Variants in BABAM2 observed in about 807,000 individuals in gnomAD.
BABAM2 encodes BRISC and BRCA1-A complex member 2.
Under a neutral mutation model 54.7 loss-of-function variants are expected in BABAM2, and 31 were observed. The observed-to-expected ratio is 0.57, with a 90% CI of 0.43 to 0.77. BABAM2 has a LOEUF of 0.77. Among genes scored for constraint, BABAM2 ranks in the 30% least tolerant of loss-of-function variants. BABAM2 has a pLI of 0.00. For synonymous variants in BABAM2, 167 were observed against 162.9 expected (o/e 1.03, Z -0.19); for missense variants, 364 against 455.8 (o/e 0.80, Z 1.83).
At chr2:27,986,746 G>A (rs1672424744) in intron 3 of BABAM2, among the ~76,000 whole-genome samples, 1 of 152,134 alleles carries the variant, frequency 6.6e-6, no homozygotes, top group Non-Finnish European at 1.5e-5. Flanking sequence ...TACTGTTTGA[G>A]CAGTAAAAAT....
chr2:28,258,563 C>T (rs774626599), intron 10 of BABAM2, among the ~76,000 whole-genome samples: 5 of 149,586 alleles, frequency 3.3e-5, no homozygotes, highest in Admixed American at 6.7e-5. Context: ...ATCTGCCATT[C>T]GGGTAAGTTA....
intron 3 of BABAM2, among the ~76,000 whole-genome samples, chr2:27,955,137 A>G (rs1342086308): frequency 6.6e-6 from 1 of 152,236 alleles, no homozygotes; most frequent in African/African-American, 2.4e-5. Context: ...TTGGCTGTCA[A>G]AGGTCCAGGA....
At chr2:28,315,828 T>G (rs2148294164) in intron 11 of BABAM2, among the ~76,000 whole-genome samples, 1 of 152,230 alleles carries the variant, frequency 6.6e-6, no homozygotes, top group East Asian at 1.9e-4. Context: ...CATATTGGTA[T>G]AATGATCTGC....
At chr2:28,190,123 A>T (rs1676742815) in intron 7 of BABAM2, among the ~76,000 whole-genome samples, 1 of 152,230 alleles carries the variant, frequency 6.6e-6, no homozygotes, top group Admixed American at 6.5e-5. Flanking sequence ...CTTACCCCAT[A>T]GCATGTACAG....
At chr2:28,009,640 T>G (rs1674247691) in intron 4 of BABAM2, among the ~76,000 whole-genome samples, 1 of 152,116 alleles carries the variant, frequency 6.6e-6, no homozygotes, top group African/African-American at 2.4e-5. Flanking sequence ...AAGTTTACTT[T>G]GAGAGGCACC....
At chr2:28,122,042 G>A (rs1237561757) in intron 6 of BABAM2, among the ~76,000 whole-genome samples, 3 of 152,026 alleles carry the variant, frequency 2.0e-5, no homozygotes, top group Non-Finnish European at 4.4e-5. Flanking sequence ...ATGAAACCCC[G>A]TCCCTACTAA....
chr2:28,074,571 G>A (rs1336079885), intron 6 of BABAM2, among the ~76,000 whole-genome samples: 1 of 152,138 alleles, frequency 6.6e-6, no homozygotes, highest in African/African-American at 2.4e-5. Flanking sequence ...GAATAAAACA[G>A]GGTTTTTACT....
intron 11 of BABAM2, among the ~76,000 whole-genome samples, chr2:28,318,343 C>G (rs574132474): frequency 6.6e-6 from 1 of 152,330 alleles, no homozygotes; most frequent in African/African-American, 2.4e-5. Flanking sequence ...CAGCCATACC[C>G]TTTGATTTAC....
chr2:27,953,595 A>G (rs891443835), intron 3 of BABAM2, among the ~76,000 whole-genome samples: 12 of 151,122 alleles, frequency 7.9e-5, no homozygotes, highest in Non-Finnish European at 1.8e-4. Context: ...CTGGGCCCAC[A>G]CTTCTCTTTT....
chr2:27,941,779 A>G (rs1270450757), intron 3 of BABAM2, among the ~76,000 whole-genome samples: 1 of 152,168 alleles, frequency 6.6e-6, no homozygotes, highest in African/African-American at 2.4e-5. Flanking sequence ...ATTACTGTTC[A>G]TTTTTAAGGA....
chr2:28,307,542 T>C (rs1247597194), intron 11 of BABAM2: 1 of 152,090 alleles, frequency 6.6e-6, no homozygotes, highest in East Asian at 1.9e-4. Flanking sequence ...ACACTAAAAA[T>C]ACACCGTTAA....
At chr2:28,143,597 A>G (rs975715950) in intron 7 of BABAM2, among the ~76,000 whole-genome samples, 4 of 152,196 alleles carry the variant, frequency 2.6e-5, no homozygotes, top group Non-Finnish European at 5.9e-5. Flanking sequence ...TATCAAAAAC[A>G]TCATGTTGTA....
intron 3 of BABAM2, among the ~76,000 whole-genome samples, chr2:27,936,186 C>G (rs1320793948): frequency 6.6e-6 from 1 of 152,142 alleles, no homozygotes; most frequent in East Asian, 1.9e-4. Context: ...TCCCAAAGTG[C>G]TGGGATTACA....
intron 3 of BABAM2, among the ~76,000 whole-genome samples, chr2:27,964,492 C>T (rs1670701515): frequency 6.6e-6 from 1 of 152,160 alleles, no homozygotes; most frequent in East Asian, 1.9e-4. Flanking sequence ...GCAATTACTG[C>T]AAAAGCTAAC....
intron 6 of BABAM2, among the ~76,000 whole-genome samples, chr2:28,074,290 G>T (rs1664449492): frequency 6.6e-6 from 1 of 152,114 alleles, no homozygotes; most frequent in Non-Finnish European, 1.5e-5. Flanking sequence ...TTTGCTGGGG[G>T]CTATCATGTA....
At chr2:28,060,496 G>A (rs751670334) in intron 6 of BABAM2, among the ~76,000 whole-genome samples, 12 of 152,052 alleles carry the variant, frequency 7.9e-5, no homozygotes, top group Non-Finnish European at 1.5e-4. Context: ...CCTGGCCAGA[G>A]CAATAAAGCA....
intron 3 of BABAM2, among the ~76,000 whole-genome samples, chr2:27,984,573 A>G (rs941544061): frequency 2.0e-5 from 3 of 151,828 alleles, no homozygotes; most frequent in Non-Finnish European, 4.4e-5. Context: ...TTCTTGTTTA[A>G]ATTTCTTCCC....
At chr2:28,101,226 C>T (rs1667054206) in intron 6 of BABAM2, among the ~76,000 whole-genome samples, 1 of 152,140 alleles carries the variant, frequency 6.6e-6, no homozygotes, top group Non-Finnish European at 1.5e-5. Context: ...TGTCTAACTC[C>T]AAAGTCTGTG....
intron 7 of BABAM2, among the ~76,000 whole-genome samples, chr2:28,185,380 G>A (rs1676169727): frequency 1.3e-5 from 2 of 152,084 alleles, no homozygotes; most frequent in East Asian, 3.9e-4. Flanking sequence ...CCTGTGTTTT[G>A]ATCTTTAAAA....
Sources: allele counts gnomAD v4.1 joint callset (sites outside exome capture counted in the v4.1 genomes callset), GRCh38; gene constraint gnomAD v4.1.1; transcripts MANE v1.5; gene names NCBI Gene and HGNC (gene_info 2026-07-23, HGNC 2026-07-21).